ASB7: variants seen among roughly 807,000 people sequenced by gnomAD.
ASB7 encodes ankyrin repeat and SOCS box protein 7.
Under a neutral mutation model 32.5 loss-of-function variants are expected in ASB7, and 4 were observed. The ratio of observed to expected loss-of-function variants is 0.12; its 90% CI spans 0.06 to 0.28. The LOEUF is 0.28. ASB7 is among the 10% of genes least tolerant of loss of function. The pLI is 1.00. For missense variants in ASB7, 181 were observed against 407.1 expected (o/e 0.44, Z 4.78); for synonymous variants, 172 against 155.6 (o/e 1.11, Z -0.78).
chr15:100,622,774 T>C (rs2039805178), intron 4 of ASB7, among the ~76,000 whole-genome samples: 1 of 152,162 alleles, frequency 6.6e-6, no homozygotes, highest in Admixed American at 6.5e-5. Context: ...TCTCACCATA[T>C]GCAAAACAAC....
At chr15:100,636,997 C>T (rs911399424) in intron 5 of ASB7, among the ~76,000 whole-genome samples, 9 of 152,142 alleles carry the variant, frequency 5.9e-5, no homozygotes, top group East Asian at 1.9e-4. Context: ...CGTTGTTCCC[C>T]GCCAGACACT....
chr15:100,622,899 A>G (rs1567114374), intron 4 of ASB7, among the ~76,000 whole-genome samples: 1 of 152,236 alleles, frequency 6.6e-6, no homozygotes, highest in South Asian at 2.1e-4. Context: ...CTAAGACCTC[A>G]GAAACACAGA....
At chr15:100,621,010 G>A (rs751831564) in intron 4 of ASB7, among the ~76,000 whole-genome samples, 4 of 152,150 alleles carry the variant, frequency 2.6e-5, no homozygotes, top group Non-Finnish European at 5.9e-5. Flanking sequence ...TCAAAGAAAT[G>A]CACAGAAGAA....
At chr15:100,608,307 A>G (rs1032910873) in intron 2 of ASB7, among the ~76,000 whole-genome samples, 5 of 152,204 alleles carry the variant, frequency 3.3e-5, no homozygotes, top group African/African-American at 9.6e-5. Context: ...TCCTACTAAC[A>G]TCTTATATTA....
chr15:100,636,493 T>C (rs949248556), intron 5 of ASB7, among the ~76,000 whole-genome samples: 4 of 152,192 alleles, frequency 2.6e-5, no homozygotes, highest in Non-Finnish European at 4.4e-5. Flanking sequence ...ACTGTGCCTG[T>C]GTCAGAGGCG....
chr15:100,647,434 C>T (rs1423292473), intron 5 of ASB7, among the ~76,000 whole-genome samples: 1 of 152,194 alleles, frequency 6.6e-6, no homozygotes, highest in African/African-American at 2.4e-5. Context: ...GCTTTATTAT[C>T]ATGTTTAATA....
intron 5 of ASB7, 119 bp downstream of exon 5, chr15:100,630,161 G>T: frequency 7.3e-7 from 1 of 1,366,102 alleles, no homozygotes; most frequent in Non-Finnish European, 9.5e-7. Flanking sequence ...ACCACTGCTT[G>T]GTAAGCGATG....
intron 4 of ASB7, among the ~76,000 whole-genome samples, chr15:100,622,208 A>AAAAAGAAAAAAG (rs1194053178): frequency 1.3e-5 from 2 of 151,988 alleles, no homozygotes; most frequent in Non-Finnish European, 2.9e-5. Context: ...TACAAAAAGA[A>AAAAAGAAAAAAG]AAAAGAAAAA....
intron 5 of ASB7, among the ~76,000 whole-genome samples, chr15:100,640,135 A>AT (rs1031463159): frequency 2.0e-5 from 3 of 151,880 alleles, no homozygotes; most frequent in Admixed American, 6.6e-5. Context: ...TTATGGTAGG[A>AT]TTTTTTTCTT....
intron 2 of ASB7, among the ~76,000 whole-genome samples, chr15:100,608,413 G>A (rs1048377905): frequency 1.3e-5 from 2 of 152,176 alleles, no homozygotes; most frequent in Non-Finnish European, 2.9e-5. Flanking sequence ...TATCGAATCA[G>A]TTATTTGTAT....
Position 100,645,570 on chromosome 15 carries a change from A to G in ASB7, c.818-2753A>G, listed in dbSNP as rs75023862. 3.8e-3 allele frequency: 2,639 copies of G among 701,740 alleles called. 58 individuals carry two copies. In the African/African-American group the frequency reaches 0.039, roughly 10 times the overall value. The allele number at this position is 701,740 out of a possible 1,614,324, so 43.5% of individuals were successfully genotyped here. On this transcript the variant is annotated intron_variant, in intron 5 of 5. Coordinates refer to ENST00000332783, the MANE Select transcript of ASB7 (RefSeq NM_198243.3). ...GGAGCCTTACAACTTCTTGAATCCCACAGCTTGACGGTGTTATATAAGGAT... is the reference window on the plus strand; with the variant it reads ...GGAGCCTTACAACTTCTTGAATCCCGCAGCTTGACGGTGTTATATAAGGAT...
chr15:100,602,770 C>T lies in ASB7; in HGVS notation c.-549C>T. ...AAGCCTCCGGCCCGGAGCGCGGCAGCCCCCTGCTCCGAGCCCTGGACCGGG... is the reference window on the plus strand; with the variant it reads ...AAGCCTCCGGCCCGGAGCGCGGCAGTCCCCTGCTCCGAGCCCTGGACCGGG... On this transcript the variant is annotated 5_prime_UTR_variant, in exon 1 of 6. Transcript: ENST00000332783. 2.6e-6 allele frequency: 1 copy of T among 385,994 alleles called. No homozygotes were observed. Among genetic ancestry groups the T allele is most frequent in the Non-Finnish European group, 4.6e-6 (1 of 218,630 alleles). 23.9% of individuals were successfully genotyped at this position (385,994 alleles called of 1,614,324 possible).
chr15:100,646,251 A>T lies in ASB7; in HGVS notation c.818-2072A>T, dbSNP rs904741606. On this transcript the variant is annotated intron_variant, in intron 5 of 5. Coordinates refer to ENST00000332783, the MANE Select transcript of ASB7 (RefSeq NM_198243.3). Reference sequence around the variant, plus strand: ...TGTTAACAATATCCATGTGTCCCACAATTGTCAATGTTGACTTTCCTTCCA... The same window carrying T: ...TGTTAACAATATCCATGTGTCCCACTATTGTCAATGTTGACTTTCCTTCCA... 1.5e-5 allele frequency: 6 copies of T among 399,410 alleles called. No homozygotes were observed. The Middle Eastern group carries it at 2.3e-3, about 152-fold the overall frequency. 24.7% of individuals were successfully genotyped at this position (399,410 alleles called of 1,614,324 possible).
chr15:100,613,931 CT>C, intron 4 of ASB7, among the ~76,000 whole-genome samples: 1 of 152,220 alleles, frequency 6.6e-6, no homozygotes, highest in African/African-American at 2.4e-5. Flanking sequence ...TGGTTTAGTG[CT>C]TATCCTTCTG....
Position 100,612,898 on chromosome 15 carries a change from G to GT in ASB7, c.211+477dup, listed in dbSNP as rs1034724218. Among the ~76,000 whole-genome samples the GT allele has an allele frequency of 3.8e-4, 58 of 152,266 alleles. 1 individual carries two copies. The highest frequency in any genetic ancestry group is 1.3e-3 in the African/African-American group (54 of 41,544). The stretch of plus-strand genomic sequence containing the variant: ...TTTCCTTTGTTATTTTAGAGCACTT[G>GT]TTTTTTCCAGAAACTGTACATAGTT... On this transcript the variant is annotated intron_variant, in intron 4 of 5. Transcript: ENST00000332783.
At chr15:100,639,850 A>G (rs546188784) in intron 5 of ASB7, among the ~76,000 whole-genome samples, 2 of 152,278 alleles carry the variant, frequency 1.3e-5, no homozygotes, top group East Asian at 3.9e-4. Flanking sequence ...TCTATTTTTA[A>G]TATAGGCATC....
At chr15:100,605,468 T>TA (rs1195232514) in intron 2 of ASB7, among the ~76,000 whole-genome samples, 2 of 152,242 alleles carry the variant, frequency 1.3e-5, no homozygotes, top group South Asian at 4.1e-4. Flanking sequence ...GGCCAGTACT[T>TA]ACATTCTTTA....
intron 5 of ASB7, 38 bp from the exon 6 acceptor site, chr15:100,648,285 T>C (rs777887254): frequency 1.3e-6 from 2 of 1,552,432 alleles, no homozygotes; most frequent in Non-Finnish European, 1.7e-6. Context: ...TATTGTGCTT[T>C]GTGGCTTTGT....
intron 4 of ASB7, among the ~76,000 whole-genome samples, chr15:100,626,317 G>GAGGTGA (rs1353217599): frequency 3.9e-5 from 6 of 152,074 alleles, no homozygotes; most frequent in Non-Finnish European, 7.4e-5. Context: ...ATGGATAAAG[G>GAGGTGA]AGGTGAACAG....
Sources: gnomAD v4.1 joint callset for allele counts (sites outside exome capture counted in the v4.1 genomes callset) on GRCh38, gnomAD v4.1.1 for gene constraint, MANE v1.5 for transcripts, NCBI Gene and HGNC (gene_info 2026-07-23, HGNC 2026-07-21) for gene names.